The following AP1S2 variants were observed in gnomAD, a reference collection of about 807,000 sequenced individuals.
AP1S2 encodes the protein adaptor related protein complex 1 subunit sigma 2.
Under a neutral mutation model 14.3 loss-of-function variants are expected in AP1S2, and 1 was observed. The observed-to-expected ratio is 0.07, with a 90% CI of 0.02 to 0.33. The LOEUF (loss-of-function observed/expected upper bound fraction) is 0.33, where lower values mean the gene tolerates loss of function less well. AP1S2 is among the 10% of genes least tolerant of loss of function. The probability of loss-of-function intolerance (pLI) is 0.99; values close to 1 mark genes in which losing one functional copy is unlikely to be tolerated. For missense variants in AP1S2, 30 were observed against 117.7 expected (o/e 0.25, Z 3.45); for synonymous variants, 30 against 40.5 (o/e 0.74, Z 0.99).
In AP1S2 at chrX:15,852,456, T is replaced by C. The variant is rs916107663; in HGVS notation, c.69A>G (p.Ser23=). ...LRLQKWYVPL[S]DKEKKKITRE... ...TTGTGATCTTTTTCTTCTCTTTGTC[T>C]GATAGTGGGACATACCATTTTTGCA... Residue 23 remains serine, a synonymous_variant, in exon 2 of 6, where the codon TCA becomes TCG. Coordinates refer to ENST00000672987, the MANE Select transcript of AP1S2 (RefSeq NM_001272071.2). 8.3e-7 allele frequency: 1 copy of C among 1,211,596 alleles called. No homozygotes were observed. Among genetic ancestry groups the C allele is most frequent in the East Asian group, 3.0e-5 (1 of 33,869 alleles).
chrX:15,829,092 C>T (rs1309831043), intron 4 of AP1S2, among the ~76,000 whole-genome samples: 4 of 110,986 alleles, frequency 3.6e-5, no homozygotes, highest in African/African-American at 1.3e-4. Flanking sequence ...GTTGGGGAAA[C>T]AGTATTAAGT....
At chrX:15,841,262 G>A (rs1252426683) in intron 4 of AP1S2, among the ~76,000 whole-genome samples, 2 of 110,066 alleles carry the variant, frequency 1.8e-5, no homozygotes, top group Admixed American at 1.9e-4. Flanking sequence ...CATTCTTAAG[G>A]ATAGAAATGT....
At chrX:15,842,167 C>A (rs1173714240) in intron 4 of AP1S2, among the ~76,000 whole-genome samples, 1 of 112,370 alleles carries the variant, frequency 8.9e-6, no homozygotes, top group Non-Finnish European at 1.9e-5. Flanking sequence ...AGTTTTCCAG[C>A]AGTTTGTGGA....
chrX:15,828,864 C>T (rs761135162), intron 4 of AP1S2, among the ~76,000 whole-genome samples: 1 of 111,392 alleles, frequency 9.0e-6, no homozygotes, highest in Non-Finnish European at 1.9e-5. Context: ...ATGTGAGAGT[C>T]TTGGTTGGAA....
At chrX:15,831,821 A>C in intron 4 of AP1S2, 1 of 707,910 alleles carries the variant, frequency 1.4e-6, no homozygotes, top group Non-Finnish European at 1.7e-6. Flanking sequence ...CAAAATCCTA[A>C]AACACTATAT....
intron 4 of AP1S2, among the ~76,000 whole-genome samples, chrX:15,840,294 T>C (rs1332848339): frequency 8.9e-6 from 1 of 112,178 alleles, no homozygotes; most frequent in Non-Finnish European, 1.9e-5. Context: ...GCTGTTAGTA[T>C]AAAAAAGAAA....
At chrX:15,838,821 C>G (rs1324339453) in intron 4 of AP1S2, among the ~76,000 whole-genome samples, 1 of 111,105 alleles carries the variant, frequency 9.0e-6, no homozygotes, top group Non-Finnish European at 1.9e-5. Flanking sequence ...GATTTCGGAT[C>G]ACTGCAGCCT....
intron 2 of AP1S2, among the ~76,000 whole-genome samples, chrX:15,851,862 A>G (rs986193512): frequency 1.8e-5 from 2 of 112,398 alleles, no homozygotes; most frequent in East Asian, 2.8e-4. Context: ...TAAAACATCT[A>G]TGTGATTGAA....
chrX:15,851,249 AC>A (rs771351036), intron 2 of AP1S2, among the ~76,000 whole-genome samples: 1 of 112,800 alleles, frequency 8.9e-6, no homozygotes, highest in East Asian at 2.8e-4. Context: ...ACCCAAAGAT[AC>A]AAAATCACCA....
At chrX:15,830,127 A>G in intron 4 of AP1S2, 1 of 745,698 alleles carries the variant, frequency 1.3e-6, no homozygotes, top group Non-Finnish European at 1.6e-6. Flanking sequence ...TAAAGCAAGC[A>G]GCTGTATACA....
At chrX:15,846,287 A>G (rs373093781) in intron 2 of AP1S2, among the ~76,000 whole-genome samples, 1 of 112,076 alleles carries the variant, frequency 8.9e-6, no homozygotes, top group East Asian at 2.8e-4. Context: ...TAAGCATTTT[A>G]AAACATAGCA....
intron 2 of AP1S2, among the ~76,000 whole-genome samples, chrX:15,848,648 T>C (rs912097674): frequency 4.5e-5 from 5 of 112,153 alleles, no homozygotes; most frequent in Non-Finnish European, 7.5e-5. Flanking sequence ...GTTCTCTTAG[T>C]GCCTATTTGT....
intron 4 of AP1S2, among the ~76,000 whole-genome samples, chrX:15,835,437 G>A (rs1933602532): frequency 9.0e-6 from 1 of 111,641 alleles, no homozygotes; most frequent in African/African-American, 3.3e-5. Context: ...CAAAGACCAA[G>A]AAGGCCAGAG....
At chrX:15,834,476 ATAT>A (rs1237423856) in intron 4 of AP1S2, among the ~76,000 whole-genome samples, 2 of 27,270 alleles carry the variant, frequency 7.3e-5, no homozygotes, top group South Asian at 4.6e-3. Flanking sequence ...ATATATATAT[ATAT>A]AATTTTTTTT....
chrX:15,854,726 CGG>C lies in AP1S2; in HGVS notation c.-41_-40del. On this transcript the variant is annotated 5_prime_UTR_variant, in exon 1 of 6. Transcript: ENST00000672987. Reference sequence around the variant, plus strand: ...CGCGGGCGCGGCGGAGCTTGGCCGGCGGCGGCGGCGGCGGCGAAGGGGAAGCC... The same window carrying C: ...CGCGGGCGCGGCGGAGCTTGGCCGGCCGGCGGCGGCGGCGAAGGGGAAGCC... 1.3e-6 allele frequency: 1 copy of C among 795,586 alleles called. No individual in the cohort carries two copies. The highest frequency in any genetic ancestry group is 1.5e-6 in the Non-Finnish European group (1 of 666,235). 65.6% of individuals were successfully genotyped at this position (795,586 alleles called of 1,213,427 possible).
chrX:15,849,140 G>T (rs966478666), intron 2 of AP1S2, among the ~76,000 whole-genome samples: 1 of 111,899 alleles, frequency 8.9e-6, no homozygotes, highest in Non-Finnish European at 1.9e-5. Flanking sequence ...ACTAGCTAAC[G>T]TTACAAAGGG....
At chrX:15,845,545 A>G in intron 3 of AP1S2, 29 bp from the exon 4 acceptor site, 2 of 1,197,389 alleles carry the variant, frequency 1.7e-6, no homozygotes, top group Admixed American at 4.6e-5. Context: ...AGAAAAAAGA[A>G]AAGAAAAAAT....
intron 2 of AP1S2, among the ~76,000 whole-genome samples, chrX:15,850,853 C>G (rs1006764195): frequency 9.0e-6 from 1 of 111,557 alleles, no homozygotes; most frequent in African/African-American, 3.3e-5. Flanking sequence ...ATCTTTGCCT[C>G]TAAGCTTAAG....
chrX:15,839,558 A>G (rs1933762499), intron 4 of AP1S2, among the ~76,000 whole-genome samples: 1 of 107,391 alleles, frequency 9.3e-6, no homozygotes, highest in Non-Finnish European at 1.9e-5. Flanking sequence ...ATGGCTCACT[A>G]TAGCCTGGAC....
Sources: allele counts gnomAD v4.1 joint callset (sites outside exome capture counted in the v4.1 genomes callset), GRCh38; gene constraint gnomAD v4.1.1; transcripts MANE v1.5; gene names NCBI Gene and HGNC (gene_info 2026-07-23, HGNC 2026-07-21).